Variants in NBEAL1 observed in about 807,000 individuals in gnomAD.
NBEAL1 encodes the protein neurobeachin-like protein 1.
NBEAL1 carries 273 observed loss-of-function variants against 351.3 expected under a neutral mutation model. The observed-to-expected ratio is 0.78, with a 90% CI of 0.70 to 0.86. The LOEUF is 0.86. Among genes scored for constraint, NBEAL1 ranks in the 40% least tolerant of loss-of-function variants. NBEAL1 has a pLI of 0.00. For synonymous variants in NBEAL1, 1,050 were observed against 1,086.4 expected (o/e 0.97, Z 0.66); for missense variants, 2,961 against 3,201.3 (o/e 0.92, Z 1.81).
At chr2:203,180,882 T>TG (rs2064692676) in intron 43 of NBEAL1, 1 of 154,606 alleles carries the variant, frequency 6.5e-6, no homozygotes, top group Non-Finnish European at 1.4e-5. Flanking sequence ...ACCAACTCCA[T>TG]GGGCAAACTC....
intron 6 of NBEAL1, chr2:203,061,845 G>A (rs1332971046): frequency 6.0e-6 from 1 of 167,206 alleles, no homozygotes; most frequent in South Asian, 1.4e-4. Flanking sequence ...GAGTTTTCTG[G>A]TGCATTTGAA....
Position 203,171,943 on chromosome 2 carries a change from GA to G in NBEAL1, c.6119del (p.Glu2040GlyfsTer11). ...TGCTGTCTAGAAATGGGTAAACAGA[GA>G]GATATCAAATTTTGACTACCTCATT... The part of the protein sequence containing the change: ...SGLTQKWVNR[E>X]ISNFDYLIQI... On this transcript the variant is annotated frameshift_variant, in exon 40 of 56. Transcript: ENST00000683969. LOFTEE classifies it high-confidence loss of function. 2.5e-6 allele frequency: 4 copies of G among 1,599,586 alleles called. No homozygotes were observed. The highest frequency in any genetic ancestry group is 3.4e-6 in the Non-Finnish European group (4 of 1,173,720).
chr2:203,082,367 G>A, intron 8 of NBEAL1, among the ~76,000 whole-genome samples: 1 of 152,144 alleles, frequency 6.6e-6, no homozygotes, highest in Non-Finnish European at 1.5e-5. Context: ...TTCCATAGCA[G>A]TAATTATTGT....
chr2:203,220,223 C>T lies in NBEAL1; in HGVS notation c.*2869C>T, dbSNP rs1223900834. Among the ~76,000 whole-genome samples, 4 of 152,086 alleles carry T rather than the reference C, an allele frequency of 2.6e-5. No individual in the cohort carries two copies. The highest frequency in any genetic ancestry group is 5.9e-5 in the Non-Finnish European group (4 of 68,012). ...TTACCTGGCCAATTGTGGTGGCTCA[C>T]GCCTATAATCCCAGCTCTTTGGGAG... On this transcript the variant is annotated 3_prime_UTR_variant, in exon 56 of 56. Transcript: ENST00000683969.
chr2:203,151,398 T>G (rs1193712028), intron 34 of NBEAL1, 67 bp from the exon 35 acceptor site: 19 of 1,206,074 alleles, frequency 1.6e-5, no homozygotes, highest in Non-Finnish European at 2.1e-5. Flanking sequence ...TTTTACATTA[T>G]TTAAATCAAA....
In NBEAL1 at chr2:203,222,128, A is replaced by G. The variant is rs1018607390; in HGVS notation, c.*4774A>G. Reference sequence around the variant, plus strand: ...GCTTGAGCCTAGAGATCAAGGCTGCAGTAAGCTGTGATTGCACCACTGCAC... The same window carrying G: ...GCTTGAGCCTAGAGATCAAGGCTGCGGTAAGCTGTGATTGCACCACTGCAC... On this transcript the variant is annotated 3_prime_UTR_variant, in exon 56 of 56. Coordinates refer to ENST00000683969, the MANE Select transcript of NBEAL1 (RefSeq NM_001378026.1). 2.6e-5 allele frequency among the ~76,000 whole-genome samples: 4 copies of G among 152,258 alleles called. No individual in the cohort carries two copies. Among genetic ancestry groups the G allele is most frequent in the Admixed American group, 6.5e-5 (1 of 15,274 alleles).
intron 39 of NBEAL1, among the ~76,000 whole-genome samples, chr2:203,171,217 C>T (rs1244481079): frequency 1.3e-5 from 2 of 152,258 alleles, no homozygotes; most frequent in East Asian, 3.9e-4. Context: ...GAGATCACAC[C>T]ATTGCACTCC....
chr2:203,208,858 G>C (rs2065688459), intron 52 of NBEAL1, 105 bp downstream of exon 52: 2 of 798,388 alleles, frequency 2.5e-6, no homozygotes, highest in Non-Finnish European at 3.9e-6. Context: ...GTATAGAAAT[G>C]TTATACCATA....
rs774320093 is a variant in NBEAL1, at chr2:203,041,872, A to C, written c.143+16A>C. ...TGCCTACCAGGTATGTAGAAACGCT[A>C]ATTTGTAACCCCTGGATGAGTTTTT... On this transcript the variant is annotated intron_variant, in intron 3 of 55. Coordinates refer to ENST00000683969, the MANE Select transcript of NBEAL1 (RefSeq NM_001378026.1). 3 of 1,507,270 alleles carry C rather than the reference A, an allele frequency of 2.0e-6. No individual in the cohort carries two copies. In the South Asian group the frequency reaches 3.6e-5, roughly 18 times the overall value. The allele number at this position is 1,507,270 out of a possible 1,614,324, so 93.4% of individuals were successfully genotyped here.
intron 10 of NBEAL1, among the ~76,000 whole-genome samples, chr2:203,092,949 T>C (rs1270549170): frequency 1.3e-5 from 2 of 152,138 alleles, no homozygotes; most frequent in Non-Finnish European, 2.9e-5. Context: ...AATCTGCTAA[T>C]CCGCTGGATG....
At position 203,119,424 on chromosome 2, in the gene NBEAL1, C is replaced by CTTTTTTTTTTTTTTTTTTTTTTTTTTTTT. The variant is rs57126638; in HGVS notation, c.2593-2810_2593-2809insTTTTTTTTTTTTTTTTTTTTTTTTTTTTT. 6.9e-4 allele frequency among the ~76,000 whole-genome samples: 46 copies of CTTTTTTTTTTTTTTTTTTTTTTTTTTTTT among 66,664 alleles called. 13 individuals are homozygous for CTTTTTTTTTTTTTTTTTTTTTTTTTTTTT. The highest frequency in any genetic ancestry group is 9.5e-4 in the Non-Finnish European group (36 of 38,050). 43.7% of individuals were successfully genotyped at this position (66,664 alleles called of 152,430 possible). The stretch of plus-strand genomic sequence containing the variant: ...GTGAGCCACTGCATACGGCCTGTTG[C>CTTTTTTTTTTTTTTTTTTTTTTTTTTTTT]TTTTTTTTTTTTTTTTTTTTGAGAC... On this transcript the variant is annotated intron_variant, in intron 18 of 55. Coordinates refer to ENST00000683969, the MANE Select transcript of NBEAL1 (RefSeq NM_001378026.1).
chr2:203,151,874 G>A (rs980484904), intron 35 of NBEAL1, among the ~76,000 whole-genome samples: 1 of 152,056 alleles, frequency 6.6e-6, no homozygotes, highest in Non-Finnish European at 1.5e-5. Flanking sequence ...ATGAAACAAT[G>A]TTCTTTTCTC....
chr2:203,054,099 AC>A (rs2061368502), intron 4 of NBEAL1, among the ~76,000 whole-genome samples: 1 of 152,006 alleles, frequency 6.6e-6, no homozygotes. Flanking sequence ...TGGGAGGCAC[AC>A]CACCATGCCT....
At chr2:203,190,671 C>A (rs2065044350) in intron 46 of NBEAL1, 3 of 299,420 alleles carry the variant, frequency 1.0e-5, no homozygotes, top group Non-Finnish European at 9.5e-6. Context: ...GAGCCCAAAC[C>A]CAGTCTTAAG....
chr2:203,108,561 G>C (rs1301009497), intron 14 of NBEAL1, among the ~76,000 whole-genome samples: 2 of 151,836 alleles, frequency 1.3e-5, no homozygotes, highest in Admixed American at 1.3e-4. Context: ...ACCACGCCCA[G>C]CTAATTTTTT....
intron 36 of NBEAL1, among the ~76,000 whole-genome samples, chr2:203,165,642 T>C (rs2064109675): frequency 6.6e-6 from 1 of 152,218 alleles, no homozygotes; most frequent in Admixed American, 6.5e-5. Context: ...AACTGAATCA[T>C]TGAGTAATAA....
chr2:203,036,038 G>T (rs2061035447), intron 2 of NBEAL1, among the ~76,000 whole-genome samples: 1 of 149,232 alleles, frequency 6.7e-6, no homozygotes, highest in South Asian at 2.1e-4. Context: ...GTTTAAGAAA[G>T]TAACAGAGCA....
chr2:203,083,569 T>C, intron 9 of NBEAL1, 44 bp downstream of exon 9: 1 of 1,387,848 alleles, frequency 7.2e-7, no homozygotes, highest in Non-Finnish European at 9.6e-7. Flanking sequence ...CTGTTTTTTA[T>C]TTTCATATCT....
At chr2:203,057,223 C>T in intron 5 of NBEAL1, 103 bp from the exon 6 acceptor site, 1 of 966,408 alleles carries the variant, frequency 1.0e-6, no homozygotes, top group South Asian at 1.7e-5. Flanking sequence ...GATTAAATGA[C>T]TCTTAGTCTC....
Sources: allele counts gnomAD v4.1 joint callset (sites outside exome capture counted in the v4.1 genomes callset), GRCh38; gene constraint gnomAD v4.1.1; transcripts MANE v1.5; gene names NCBI Gene and HGNC (gene_info 2026-07-23, HGNC 2026-07-21).